The following EVC variants were observed in gnomAD, a reference collection of about 807,000 sequenced individuals.
The protein encoded by EVC is EvC ciliary complex subunit 1, also known as evC complex member EVC.
In EVC, 116 loss-of-function variants were observed where a neutral mutation model predicts 118.9. That is an observed-to-expected ratio of 0.98 (90% CI 0.84 to 1.14). The LOEUF is 1.14. EVC is among the 50% of genes most tolerant of loss of function. EVC has a pLI of 0.00. For missense variants in EVC, 1,401 were observed against 1,246.4 expected (o/e 1.12, Z -1.87); for synonymous variants, 619 against 534.7 (o/e 1.16, Z -2.18).
chr4:5,718,005 A>G (rs185905553), intron 1 of EVC, among the ~76,000 whole-genome samples: 13 of 152,372 alleles, frequency 8.5e-5, no homozygotes, highest in African/African-American at 2.9e-4. Context: ...CGATAATAGT[A>G]GCTGATTAAC....
Position 5,731,465 on chromosome 4 carries a change from A to G in EVC, c.425A>G (p.Asn142Ser). The change falls in exon 4 of 21, where the codon AAC becomes AGC. Residue 142 changes from asparagine (N) to serine (S), a missense_variant. Asn to Ser is a conservative substitution (Grantham distance 46). Transcript: ENST00000264956. The surrounding 1 kb of genome is among the most constrained non-coding windows in gnomAD (Gnocchi z 5.6). ...TCCTCCAACCCGTCTCTGCATGAAAACTTAAAGCAGGCTGTTTTGCCACAC... is the reference window on the plus strand; with the variant it reads ...TCCTCCAACCCGTCTCTGCATGAAAGCTTAAAGCAGGCTGTTTTGCCACAC... Reference protein sequence around the residue: ...DGSSNPSLHENLKQAVLPHQP... With the variant: ...DGSSNPSLHESLKQAVLPHQP... 6.2e-7 allele frequency: 1 copy of G among 1,613,054 alleles called. No individual in the cohort carries two copies. The highest frequency in any genetic ancestry group is 8.5e-7 in the Non-Finnish European group (1 of 1,179,838).
intron 11 of EVC, among the ~76,000 whole-genome samples, chr4:5,767,908 G>T (rs985307540): frequency 6.6e-6 from 1 of 152,094 alleles, no homozygotes; most frequent in Non-Finnish European, 1.5e-5. Flanking sequence ...GTTCCTATTC[G>T]GCCATCTTGG....
chr4:5,741,888 AT>A (rs1278761768), intron 6 of EVC, 74 bp downstream of exon 6: 4 of 776,992 alleles, frequency 5.1e-6, no homozygotes, highest in Admixed American at 2.7e-5. Flanking sequence ...TGATGCAAAA[AT>A]TTTTTTCTTT....
chr4:5,784,703 G>C (rs181641856), intron 12 of EVC, among the ~76,000 whole-genome samples: 1 of 148,852 alleles, frequency 6.7e-6, no homozygotes, highest in East Asian at 2.0e-4. Flanking sequence ...CGCCTCCCAG[G>C]TTCAAGCGAT....
At chr4:5,724,001 A>T (rs1725399985) in intron 2 of EVC, among the ~76,000 whole-genome samples, 1 of 152,160 alleles carries the variant, frequency 6.6e-6, no homozygotes, top group African/African-American at 2.4e-5. Flanking sequence ...TTTAAGAGGC[A>T]CATCGATGGA....
intron 2 of EVC, among the ~76,000 whole-genome samples, chr4:5,724,580 G>A (rs1358970746): frequency 6.6e-6 from 1 of 152,160 alleles, no homozygotes; most frequent in African/African-American, 2.4e-5. Context: ...GTGTGGCCTT[G>A]GGCACGTGAC....
downstream of EVC, among the ~76,000 whole-genome samples, chr4:5,816,287 T>A (rs568188583): frequency 6.6e-5 from 10 of 152,282 alleles, no homozygotes; most frequent in African/African-American, 2.4e-4. Flanking sequence ...GCCATGAACA[T>A]GTACCTCTTG....
At chr4:5,796,663 TGA>T (rs1714022965) in intron 13 of EVC, among the ~76,000 whole-genome samples, 1 of 152,016 alleles carries the variant, frequency 6.6e-6, no homozygotes, top group Non-Finnish European at 1.5e-5. Context: ...TCTGGCAGGC[TGA>T]GTTTTTTTAC....
At chr4:5,805,440 G>A (rs542684068) in intron 17 of EVC, among the ~76,000 whole-genome samples, 5 of 152,296 alleles carry the variant, frequency 3.3e-5, no homozygotes, top group Admixed American at 2.6e-4. Flanking sequence ...CTCAGTAACA[G>A]GTGTCAGGAA....
intron 12 of EVC, among the ~76,000 whole-genome samples, chr4:5,785,743 G>A (rs1258472763): frequency 1.3e-5 from 2 of 152,226 alleles, no homozygotes; most frequent in African/African-American, 4.8e-5. Context: ...TAAATGTTCA[G>A]GAAAACTTGT....
intron 11 of EVC, among the ~76,000 whole-genome samples, chr4:5,772,571 C>G (rs866376721): frequency 1.3e-5 from 2 of 152,084 alleles, no homozygotes; most frequent in African/African-American, 4.8e-5. Flanking sequence ...CCATCATGAC[C>G]ACTTAGCTTG....
At chr4:5,751,876 G>A (rs1320486565) in intron 8 of EVC, among the ~76,000 whole-genome samples, 1 of 152,194 alleles carries the variant, frequency 6.6e-6, no homozygotes, top group African/African-American at 2.4e-5. Flanking sequence ...GCAGAGGCTG[G>A]GCAGCCGGGA....
downstream of EVC, among the ~76,000 whole-genome samples, chr4:5,816,981 C>T (rs368809990): frequency 1.5e-4 from 23 of 152,290 alleles, no homozygotes; most frequent in African/African-American, 4.3e-4. Context: ...CTCTGGAAAC[C>T]ACTTAGCTGC....
At position 5,798,611 on chromosome 4, in the gene EVC, G is replaced by C. The variant is rs758724820; in HGVS notation, c.2123G>C (p.Ser708Thr). ...ALEARVLEEASRLEEEAQQTR... is the reference protein window; with the variant it reads ...ALEARVLEEATRLEEEAQQTR... The stretch of plus-strand genomic sequence containing the variant: ...GAGGCGCGTGTGCTGGAGGAGGCCA[G>C]CCGGCTAGAGGAGGAAGCACAGCAG... Residue 708 changes from serine (S) to threonine (T), a missense_variant, in exon 15 of 21, where the codon AGC becomes ACC. Physicochemically the swap from Ser to Thr is moderately conservative, Grantham distance 58. Coordinates refer to ENST00000264956, the MANE Select transcript of EVC (RefSeq NM_153717.3). This position sits in a 1 kb window ranked among gnomAD's most constrained non-coding sequence, Gnocchi z 4.1. 1 of 1,577,260 alleles carries C rather than the reference G, an allele frequency of 6.3e-7. No individual in the cohort carries two copies. The highest frequency in any genetic ancestry group is 8.6e-7 in the Non-Finnish European group (1 of 1,162,772).
intron 11 of EVC, among the ~76,000 whole-genome samples, chr4:5,779,949 G>T (rs1735322199): frequency 6.6e-6 from 1 of 151,238 alleles, no homozygotes; most frequent in South Asian, 2.1e-4. Context: ...TCCAGTTTTT[G>T]CCCATTCAGT....
chr4:5,768,934 C>CT (rs933520607), intron 11 of EVC, among the ~76,000 whole-genome samples: 3 of 152,110 alleles, frequency 2.0e-5, no homozygotes, highest in Non-Finnish European at 4.4e-5. Context: ...TCAAGGTACC[C>CT]TGCCTTGCTG....
intron 12 of EVC, among the ~76,000 whole-genome samples, chr4:5,784,657 G>T (rs1736153828): frequency 6.8e-6 from 1 of 147,086 alleles, no homozygotes; most frequent in African/African-American, 2.5e-5. Flanking sequence ...GTCCAGGCTG[G>T]AGTGCAATGG....
At chr4:5,787,347 C>T (rs1023161901) in intron 12 of EVC, among the ~76,000 whole-genome samples, 1 of 152,168 alleles carries the variant, frequency 6.6e-6, no homozygotes, top group Non-Finnish European at 1.5e-5. Flanking sequence ...AGCAAAGGAT[C>T]GTGAGATGGG....
intron 5 of EVC, among the ~76,000 whole-genome samples, chr4:5,740,760 A>G (rs1728426116): frequency 1.3e-5 from 2 of 152,352 alleles, no homozygotes; most frequent in South Asian, 2.1e-4. Flanking sequence ...GAAGCAATCC[A>G]GTTAGAAAAT....
Sources: allele counts gnomAD v4.1 joint callset (sites outside exome capture counted in the v4.1 genomes callset), GRCh38; gene constraint gnomAD v4.1.1; non-coding constraint Gnocchi (gnomAD v3.1); transcripts MANE v1.5; gene names NCBI Gene and HGNC (gene_info 2026-07-23, HGNC 2026-07-21).